WNK1: variants seen among roughly 807,000 people sequenced by gnomAD.
The protein encoded by WNK1 is serine/threonine-protein kinase WNK1.
A neutral mutation model predicts 222.8 loss-of-function variants in WNK1; 38 were observed. The observed-to-expected ratio is 0.17, with a 90% CI of 0.13 to 0.22. The LOEUF is 0.22. Ranked by LOEUF, WNK1 falls within the 10% of genes least tolerant of loss-of-function variation. The pLI is 1.00. For missense variants in WNK1, 2,348 were observed against 2,918.4 expected (o/e 0.80, Z 4.50); for synonymous variants, 1,090 against 1,092.9 (o/e 1.00, Z 0.05).
Position 861,955 on chromosome 12 carries a change from T to C in WNK1, c.1952-128T>C, listed in dbSNP as rs940883613. Reference sequence around the variant, plus strand: ...TGGCTACAATTCATTTTTTATTTAGTTCAAATCTGTGCAAGGAATAACTAG... The same window carrying C: ...TGGCTACAATTCATTTTTTATTTAGCTCAAATCTGTGCAAGGAATAACTAG... On this transcript the variant is annotated intron_variant, in intron 7 of 27. Transcript: ENST00000315939. 8 of 1,051,896 alleles carry C rather than the reference T, an allele frequency of 7.6e-6. No homozygotes were observed. The African/African-American group carries it at 1.3e-4, about 17-fold the overall frequency. 65.2% of individuals were successfully genotyped at this position (1,051,896 alleles called of 1,614,324 possible). A position where few individuals can be genotyped will look rare whatever the true frequency, so the allele number is the denominator to read the frequency against.
intron 2 of WNK1, among the ~76,000 whole-genome samples, chr12:817,929 G>A (rs1041086550): frequency 6.6e-6 from 1 of 152,102 alleles, no homozygotes; most frequent in Admixed American, 6.6e-5. Context: ...TCTAGCCTGG[G>A]TGACAGAGTG....
At chr12:906,758 G>A in intron 26 of WNK1, 1 of 985,238 alleles carries the variant, frequency 1.0e-6, no homozygotes, top group Admixed American at 6.2e-5. Context: ...AGAATGGCTA[G>A]GCTGAGCATG....
intron 2 of WNK1, among the ~76,000 whole-genome samples, chr12:818,300 G>A (rs1186424913): frequency 1.3e-5 from 2 of 152,060 alleles, no homozygotes; most frequent in African/African-American, 4.8e-5. Flanking sequence ...CCAACAGGAG[G>A]GTTTATTAAG....
At chr12:775,082 T>C (rs2153956733) in intron 1 of WNK1, among the ~76,000 whole-genome samples, 1 of 152,316 alleles carries the variant, frequency 6.6e-6, no homozygotes, top group East Asian at 1.9e-4. Flanking sequence ...ATCTTCTTGA[T>C]ATTGGTGTTT....
chr12:865,163 T>C (rs72649823), intron 8 of WNK1: 2 of 1,529,486 alleles, frequency 1.3e-6, no homozygotes, highest in Admixed American at 2.0e-5. Context: ...TGCTGTTGCC[T>C]CTGTGTCCCG....
At position 890,496 on chromosome 12, in the gene WNK1, C is replaced by T. The variant is rs373765496; in HGVS notation, c.5492C>T (p.Thr1831Ile). The T allele has an allele frequency of 4.3e-6, 7 of 1,614,136 alleles. No individual in the cohort carries two copies. Among genetic ancestry groups the T allele is most frequent in the Non-Finnish European group, 5.9e-6 (7 of 1,180,008 alleles). Residue 1831 changes from threonine (T) to isoleucine (I), a missense_variant, in exon 22 of 28, where the codon ACA (threonine) becomes ATA (isoleucine). Around this residue, in one of 13 missense-constraint regions of WNK1, gnomAD observed 1,144 missense variants for 1,273.6 expected, o/e 0.90. Transcript: ENST00000315939. ...CCAACAGCAATCACAGAAGCAGGAACACAGCCTCAGAAGGGTGGTGAGAAA... is the reference window on the plus strand; with the variant it reads ...CCAACAGCAATCACAGAAGCAGGAATACAGCCTCAGAAGGGTGGTGAGAAA... ...AAPTAITEAG[T>I]QPQKGVSQVK...
Position 827,099 on chromosome 12 carries a change from G to A in WNK1, c.990G>A (p.Gln330=). Reference sequence around the variant, plus strand: ...AAGTTCTAAGAAGCTGGTGCCGTCAGATCCTTAAAGGTCTTCAGTTTCTTC... The same window carrying A: ...AAGTTCTAAGAAGCTGGTGCCGTCAAATCCTTAAAGGTCTTCAGTTTCTTC... ...KIKVLRSWCR[Q]ILKGLQFLHT... The change falls in exon 3 of 28, where the codon CAG becomes CAA. Residue 330 remains glutamine (Q), a synonymous_variant. Transcript: ENST00000315939. This position sits in a 1 kb window ranked among gnomAD's most constrained non-coding sequence, Gnocchi z 4.6. The A allele has an allele frequency of 6.2e-7, 1 of 1,614,154 alleles. No individual in the cohort carries two copies. The highest frequency in any genetic ancestry group is 8.5e-7 in the Non-Finnish European group (1 of 1,180,042).
In WNK1 at chr12:829,554, A is replaced by G. The variant is rs72648629; in HGVS notation, c.1154-449A>G. 4.0e-3 allele frequency among the ~76,000 whole-genome samples: 609 copies of G among 152,354 alleles called. 4 individuals are homozygous for G. Among genetic ancestry groups the G allele is most frequent in the South Asian group, 0.031 (152 of 4,832 alleles). ...TGTAAATATTAACCCTACAGCTACC[A>G]TACATTAGTGGGCACACAAGTATTT... On this transcript the variant is annotated intron_variant, in intron 3 of 27. Coordinates refer to ENST00000315939, the MANE Select transcript of WNK1 (RefSeq NM_018979.4).
At chr12:848,607 A>C (rs893918255) in intron 4 of WNK1, among the ~76,000 whole-genome samples, 2 of 138,092 alleles carry the variant, frequency 1.4e-5, no homozygotes, top group African/African-American at 5.4e-5. Flanking sequence ...TCTTTGTGTT[A>C]AGAGCCCATA....
At position 881,779 on chromosome 12, in the gene WNK1, T is replaced by C. The variant is rs746216756; in HGVS notation, c.3199T>C (p.Ser1067Pro). Residue 1067 changes from serine to proline, a missense_variant, in exon 13 of 28, where the codon TCT (serine) becomes CCT (proline). Physicochemically the swap from Ser to Pro is moderately conservative, Grantham distance 74. This residue lies in a region of WNK1 where 547 missense variants were observed against 558.3 expected (regional missense o/e 0.98). Coordinates refer to ENST00000315939, the MANE Select transcript of WNK1 (RefSeq NM_018979.4). ...QATQPTTLAS[S>P]VDSAHSDVAS... Reference sequence around the variant, plus strand: ...TACCCAGCCGACCACTTTGGCTTCCTCTGTAGACAGGTACGTAAAACTAGA... The same window carrying C: ...TACCCAGCCGACCACTTTGGCTTCCCCTGTAGACAGGTACGTAAAACTAGA... 2.9e-5 allele frequency: 47 copies of C among 1,614,098 alleles called. No individual in the cohort carries two copies. Among genetic ancestry groups the C allele is most frequent in the Non-Finnish European group, 3.8e-5 (45 of 1,180,036 alleles).
intron 1 of WNK1, among the ~76,000 whole-genome samples, chr12:791,853 A>G (rs996205962): frequency 3.3e-5 from 5 of 152,074 alleles, no homozygotes; most frequent in Admixed American, 6.6e-5. Flanking sequence ...TGGTTGTCCA[A>G]GAGTCATGTA....
rs576276647 is a variant in WNK1 at position 838,194 on chromosome 12, C to T, written c.1311+8034C>T. On this transcript the variant is annotated intron_variant, in intron 4 of 27. Coordinates refer to ENST00000315939, the MANE Select transcript of WNK1 (RefSeq NM_018979.4). The stretch of plus-strand genomic sequence containing the variant: ...CCATTGGCTGTTGTGAATAGAGCTG[C>T]TACGAAGAATATTCATGTACAAGTT... Among the ~76,000 whole-genome samples, 23 of 152,016 alleles carry T rather than the reference C, an allele frequency of 1.5e-4. No homozygotes were observed. The East Asian group carries it at 4.5e-3, about 29-fold the overall frequency.
At chr12:798,439 G>T (rs1945542868) in intron 1 of WNK1, among the ~76,000 whole-genome samples, 2 of 152,174 alleles carry the variant, frequency 1.3e-5, no homozygotes, top group South Asian at 4.2e-4. Context: ...TGATCTGCCC[G>T]CCTCGGCCTC....
chr12:907,105 A>C (rs943812622), intron 26 of WNK1, among the ~76,000 whole-genome samples: 17 of 148,168 alleles, frequency 1.1e-4, no homozygotes, highest in Non-Finnish European at 2.1e-4. Context: ...GGATCACCTG[A>C]GGTCAGGAGT....
Position 896,510 on chromosome 12 carries a change from A to G in WNK1, c.6023A>G (p.Asn2008Ser). 6.2e-7 allele frequency: 1 copy of G among 1,613,728 alleles called. No homozygotes were observed. Among genetic ancestry groups the G allele is most frequent in the Non-Finnish European group, 8.5e-7 (1 of 1,179,948 alleles). The change falls in exon 24 of 28, where the codon AAT becomes AGT. Residue 2008 changes from asparagine to serine, a missense_variant. Asn to Ser is a conservative substitution (Grantham distance 46). Coordinates refer to ENST00000315939, the MANE Select transcript of WNK1 (RefSeq NM_018979.4). Reference protein sequence around the residue: ...KPELSEPSHLNGPSSDPEAAF... With the variant: ...KPELSEPSHLSGPSSDPEAAF... ...GAACTGTCAGAGCCTTCACATCTAA[A>G]TGGGCCGTCTTCTGACCCGGAGGCC... is the stretch of plus-strand genomic sequence containing the variant.
At position 754,177 on chromosome 12, in the gene WNK1, C is replaced by T. The variant is rs758912336; in HGVS notation, c.612C>T (p.Ile204=). The change falls in exon 1 of 28, where the codon ATC becomes ATT. Residue 204 remains isoleucine (I), a synonymous_variant. Transcript: ENST00000315939. ...AACGGAGCCAGCAGCAGGATGATAT[C>T]GAAGAGCTGGAGACCAAGGCCGTGG... ...QEERSQQQDD[I]EELETKAVGM... is the part of the protein sequence containing the mutation. 6.2e-7 allele frequency: 1 copy of T among 1,613,488 alleles called. No homozygotes were observed. Among genetic ancestry groups the T allele is most frequent in the Non-Finnish European group, 8.5e-7 (1 of 1,180,036 alleles).
intron 4 of WNK1, among the ~76,000 whole-genome samples, chr12:848,496 C>CTTTTTTTTTTTTTTTT (rs10644583): frequency 6.0e-5 from 6 of 99,258 alleles, no homozygotes; most frequent in East Asian, 3.4e-4. Context: ...CCAGTAAAAA[C>CTTTTTTTTTTTTTTTT]TTTTTTTTTT....
intron 1 of WNK1, among the ~76,000 whole-genome samples, chr12:787,310 G>C (rs1591698491): frequency 6.6e-6 from 1 of 152,130 alleles, no homozygotes; most frequent in Non-Finnish European, 1.5e-5. Context: ...GGTTAAAGTA[G>C]AGATGGGGTC....
rs1239731092 is a variant in WNK1 at position 911,368 on chromosome 12, A to AAGAT, written c.*2577_*2580dup. ...TAACTCTGGGTGTTGCGCTTCTTGT[A>AAGAT]AGATTGCGCTTTGTGCTTCAGTTTG... is the stretch of plus-strand genomic sequence containing the variant. On this transcript the variant is annotated 3_prime_UTR_variant, in exon 28 of 28. Coordinates refer to ENST00000315939, the MANE Select transcript of WNK1 (RefSeq NM_018979.4). The AAGAT allele has an allele frequency of 7.5e-6, 3 of 398,512 alleles. No individual in the cohort carries two copies. Among genetic ancestry groups the AAGAT allele is most frequent in the African/African-American group, 6.2e-5 (3 of 48,630 alleles). 24.7% of individuals were successfully genotyped at this position (398,512 alleles called of 1,614,324 possible). A position where few individuals can be genotyped will look rare whatever the true frequency, so the allele number is the denominator to read the frequency against.
Sources: allele counts gnomAD v4.1 joint callset (sites outside exome capture counted in the v4.1 genomes callset), GRCh38; gene constraint gnomAD v4.1.1; regional missense constraint gnomAD v4.1.1; non-coding constraint Gnocchi (gnomAD v3.1); transcripts MANE v1.5; gene names NCBI Gene and HGNC (gene_info 2026-07-23, HGNC 2026-07-21).